The following GNAQ variants were observed in gnomAD, a reference collection of about 807,000 sequenced individuals.
GNAQ encodes G protein subunit alpha q.
GNAQ carries 8 observed loss-of-function variants against 43.9 expected under a neutral mutation model. The ratio of observed to expected loss-of-function variants is 0.18; its 90% CI spans 0.11 to 0.33. The LOEUF (loss-of-function observed/expected upper bound fraction) is 0.33. GNAQ is among the 10% of genes least tolerant of loss of function. The probability of loss-of-function intolerance (pLI) is 1.00; values close to 1 mark genes in which losing one functional copy is unlikely to be tolerated. For missense variants in GNAQ, 158 were observed against 450.8 expected (o/e 0.35, Z 5.88); for synonymous variants, 155 against 170.7 (o/e 0.91, Z 0.71).
At chr9:77,824,623 C>T (rs78743025) in intron 2 of GNAQ, among the ~76,000 whole-genome samples, 2,522 of 152,194 alleles carry the variant, frequency 0.017, 137 homozygotes, top group Admixed American at 0.11. Context: ...AAATTATACT[C>T]GTATCATTAC....
chr9:78,026,466 C>G (rs1186317620), intron 1 of GNAQ, among the ~76,000 whole-genome samples: 2 of 152,280 alleles, frequency 1.3e-5, no homozygotes, highest in South Asian at 2.1e-4. Context: ...CATTCAGAAA[C>G]ATATTCAACA....
intron 2 of GNAQ, among the ~76,000 whole-genome samples, chr9:77,860,003 T>C (rs2117968344): frequency 6.6e-6 from 1 of 152,364 alleles, no homozygotes; most frequent in African/African-American, 2.4e-5. Context: ...CAGACATCTA[T>C]AATTTATAAC....
Position 78,031,090 on chromosome 9 carries a change from C to T in GNAQ, c.136+10G>A, listed in dbSNP as rs760923204. The T allele has an allele frequency of 1.3e-5, 20 of 1,497,154 alleles. No homozygotes were observed. Among genetic ancestry groups the T allele is most frequent in the Non-Finnish European group, 1.6e-5 (18 of 1,120,318 alleles). The allele number at this position is 1,497,154 out of a possible 1,614,324, so 92.7% of individuals were successfully genotyped here. ...CGCAGAGGCCCGGCGGGGCCCCGGA[C>T]GGTACTCACCGAGCAGCAGCAGCTT... On this transcript the variant is annotated intron_variant, in intron 1 of 6. Transcript: ENST00000286548.
chr9:77,969,364 T>G (rs1018052465), intron 1 of GNAQ, among the ~76,000 whole-genome samples: 1 of 152,298 alleles, frequency 6.6e-6, no homozygotes, highest in East Asian at 1.9e-4. Context: ...GTTAATGCAA[T>G]CATCAAAGTT....
rs926075902 is a variant in GNAQ at position 77,860,328 on chromosome 9, C to G, written c.322-44558G>C. 1.6e-4 allele frequency among the ~76,000 whole-genome samples: 25 copies of G among 152,228 alleles called. 2 individuals carry two copies. The highest frequency in any genetic ancestry group is 1.6e-3 in the Admixed American group (24 of 15,292). On this transcript the variant is annotated intron_variant, in intron 2 of 6. Coordinates refer to ENST00000286548, the MANE Select transcript of GNAQ (RefSeq NM_002072.5). ...ACTAGTTTCCCTGCTAGACAATGCC[C>G]TGAGGAGGTTGGTATGACTCTAAAG...
chr9:77,754,803 GAGA>G (rs1825872576), intron 5 of GNAQ, among the ~76,000 whole-genome samples: 2 of 152,144 alleles, frequency 1.3e-5, no homozygotes, highest in South Asian at 2.1e-4. Flanking sequence ...AGCCACTATG[GAGA>G]TATAACCAGT....
rs1244010736 is a variant in GNAQ, at chr9:77,904,317, C to CCTTT, written c.321+17843_321+17844insAAAG. Among the ~76,000 whole-genome samples, 193 of 77,446 alleles carry CCTTT rather than the reference C, an allele frequency of 2.5e-3. 3 individuals are homozygous for CCTTT. Among genetic ancestry groups the CCTTT allele is most frequent in the African/African-American group, 0.011 (187 of 17,664 alleles). The allele number at this position is 77,446 out of a possible 152,430, so 50.8% of individuals were successfully genotyped here. ...TGGAGTTAACAGAAGTTCACACCGG[C>CCTTT]TTTTTTTTTTTTTTTTTTTTTTTTT... On this transcript the variant is annotated intron_variant, in intron 2 of 6. Coordinates refer to ENST00000286548, the MANE Select transcript of GNAQ (RefSeq NM_002072.5).
chr9:77,883,776 C>T (rs911289843), intron 2 of GNAQ, among the ~76,000 whole-genome samples: 2 of 152,128 alleles, frequency 1.3e-5, no homozygotes, highest in Admixed American at 1.3e-4. Flanking sequence ...TGTGCTCTGT[C>T]CCATGTGGTC....
intron 5 of GNAQ, among the ~76,000 whole-genome samples, chr9:77,745,138 G>A (rs1587894622): frequency 6.6e-6 from 1 of 152,144 alleles, no homozygotes; most frequent in Admixed American, 6.5e-5. Context: ...TCAGTTCTGC[G>A]AGAGGCAGGG....
At chr9:78,007,601 C>T (rs1027360185) in intron 1 of GNAQ, among the ~76,000 whole-genome samples, 4 of 152,168 alleles carry the variant, frequency 2.6e-5, no homozygotes, top group Non-Finnish European at 5.9e-5. Context: ...GCTTCATTTG[C>T]TCAAAGTAAA....
In GNAQ at chr9:77,936,387, T is replaced by TA. The variant is rs1373768181; in HGVS notation, c.137-14043dup. 5.9e-5 allele frequency among the ~76,000 whole-genome samples: 9 copies of TA among 152,224 alleles called. No individual in the cohort carries two copies. The East Asian group carries it at 1.7e-3, about 29-fold the overall frequency. On this transcript the variant is annotated intron_variant, in intron 1 of 6. Coordinates refer to ENST00000286548, the MANE Select transcript of GNAQ (RefSeq NM_002072.5). ...CCTTATTTTTAATACACCGACCCAA[T>TA]AATACATAAAAATAACATTGGAGGA... is the stretch of plus-strand genomic sequence containing the variant.
intron 2 of GNAQ, among the ~76,000 whole-genome samples, chr9:77,882,860 G>C (rs1828237523): frequency 6.6e-6 from 1 of 152,072 alleles, no homozygotes; most frequent in African/African-American, 2.4e-5. Context: ...AGATACACAG[G>C]AATATGTTAC....
At chr9:77,975,535 C>A (rs1004360882) in intron 1 of GNAQ, among the ~76,000 whole-genome samples, 15 of 140,622 alleles carry the variant, frequency 1.1e-4, no homozygotes, top group Admixed American at 2.9e-4. Flanking sequence ...ATCAGCCCCC[C>A]CTTTTTTTTT....
chr9:77,752,285 G>C (rs1825824753), intron 5 of GNAQ, among the ~76,000 whole-genome samples: 1 of 152,178 alleles, frequency 6.6e-6, no homozygotes, highest in Admixed American at 6.5e-5. Context: ...GTGAAAACTT[G>C]AAAAGCTGAA....
chr9:77,757,628 T>TA (rs1554713489), intron 5 of GNAQ, among the ~76,000 whole-genome samples: 1 of 152,232 alleles, frequency 6.6e-6, no homozygotes, highest in Non-Finnish European at 1.5e-5. Context: ...TTATTAATGT[T>TA]ACCAAACCAT....
chr9:77,742,654 T>A (rs1043791619), intron 5 of GNAQ, among the ~76,000 whole-genome samples: 4 of 150,896 alleles, frequency 2.7e-5, no homozygotes, highest in Non-Finnish European at 5.9e-5. Flanking sequence ...TCTCTTCCAG[T>A]AGCTATTAAA....
At chr9:77,789,165 CAG>C (rs1480776504) in intron 5 of GNAQ, among the ~76,000 whole-genome samples, 5 of 152,172 alleles carry the variant, frequency 3.3e-5, no homozygotes, top group South Asian at 4.2e-4. Context: ...TCCTTTCATC[CAG>C]ATTTTTCATG....
chr9:77,909,333 A>C (rs1249370578), intron 2 of GNAQ, among the ~76,000 whole-genome samples: 1 of 152,200 alleles, frequency 6.6e-6, no homozygotes, highest in Non-Finnish European at 1.5e-5. Flanking sequence ...CCAGCTGCCC[A>C]GTAGATAGTA....
intron 1 of GNAQ, among the ~76,000 whole-genome samples, chr9:78,002,743 A>T (rs905452989): frequency 6.6e-6 from 1 of 152,224 alleles, no homozygotes; most frequent in African/African-American, 2.4e-5. Context: ...AATACATGAA[A>T]TTAGGACTGA....
Sources: gnomAD v4.1 joint callset for allele counts (sites outside exome capture counted in the v4.1 genomes callset) on GRCh38, gnomAD v4.1.1 for gene constraint, MANE v1.5 for transcripts, NCBI Gene and HGNC (gene_info 2026-07-23, HGNC 2026-07-21) for gene names.